The following PCSK1 variants were observed in gnomAD, a reference collection of about 807,000 sequenced individuals.
PCSK1 encodes proprotein convertase subtilisin/kexin type 1.
Under a neutral mutation model 90.6 loss-of-function variants are expected in PCSK1, and 56 were observed. The ratio of observed to expected loss-of-function variants is 0.62; its 90% CI spans 0.50 to 0.77. PCSK1 has a LOEUF of 0.77. Among genes scored for constraint, PCSK1 ranks in the 30% least tolerant of loss-of-function variants. PCSK1 has a pLI of 0.00. For synonymous variants in PCSK1, 348 were observed against 342.4 expected (o/e 1.02, Z -0.18); for missense variants, 801 against 932.6 (o/e 0.86, Z 1.84).
rs1358234906 is a variant in PCSK1, at chr5:96,391,893, T to G, written c.*1108A>C. 6.6e-6 allele frequency: 1 copy of G among 152,218 alleles called. No individual in the cohort carries two copies. Among genetic ancestry groups the G allele is most frequent in the Admixed American group, 6.5e-5 (1 of 15,284 alleles). 9.4% of individuals were successfully genotyped at this position (152,218 alleles called of 1,614,324 possible). ...GGTCCATGGCCTGCCAGTTTCTGCT[T>G]CTGATTTGAAGCTTAGGAGCAATTT... On this transcript the variant is annotated 3_prime_UTR_variant, in exon 14 of 14. Transcript: ENST00000311106.
chr5:96,400,789 TAGA>T (rs1760330870), intron 9 of PCSK1, among the ~76,000 whole-genome samples: 1 of 152,188 alleles, frequency 6.6e-6, no homozygotes, highest in Admixed American at 6.5e-5. Context: ...TCTTGTCTTT[TAGA>T]AGTTTACAAT....
At chr5:96,425,375 C>T (rs886982921) in intron 3 of PCSK1, among the ~76,000 whole-genome samples, 23 of 152,156 alleles carry the variant, frequency 1.5e-4, no homozygotes, top group Non-Finnish European at 1.5e-4. Flanking sequence ...TTCTTTTAAC[C>T]TCTTTCAGAG....
At chr5:96,421,534 CTAAGAG>C (rs1400766953) in intron 5 of PCSK1, among the ~76,000 whole-genome samples, 1 of 152,100 alleles carries the variant, frequency 6.6e-6, no homozygotes, top group Non-Finnish European at 1.5e-5. Flanking sequence ...AAGCATGTTG[CTAAGAG>C]TAAAAGATTC....
intron 6 of PCSK1, among the ~76,000 whole-genome samples, chr5:96,413,767 C>T (rs1213244856): frequency 7.0e-6 from 1 of 142,886 alleles, no homozygotes; most frequent in African/African-American, 2.6e-5. Flanking sequence ...AACCACTGCA[C>T]TCCAGCCTGG....
intron 3 of PCSK1, among the ~76,000 whole-genome samples, chr5:96,425,048 G>A (rs148508600): frequency 0.011 from 1,338 of 123,946 alleles, 21 homozygotes; most frequent in East Asian, 0.062. Flanking sequence ...AAGAAAGAAA[G>A]AAAGAAAGAA....
At chr5:96,417,765 C>T (rs1175988443) in intron 5 of PCSK1, among the ~76,000 whole-genome samples, 1 of 152,190 alleles carries the variant, frequency 6.6e-6, no homozygotes, top group Non-Finnish European at 1.5e-5. Context: ...GCAACTGAAG[C>T]TGTCCTGACC....
At chr5:96,393,413 G>T (rs752229289) in intron 13 of PCSK1, 35 bp from the exon 14 acceptor site, 188 of 1,612,178 alleles carry the variant, frequency 1.2e-4, no homozygotes, top group Non-Finnish European at 1.6e-4. Flanking sequence ...AAGGGAAGAA[G>T]GTTCATTATT....
In PCSK1 at chr5:96,433,136, G is replaced by A; in HGVS notation, c.-94C>T. ...AGACAGACTCCCCCTTCCCACCCTC[G>A]GGCTCTAGACCACTCCTGGCTCCTG... On this transcript the variant is annotated 5_prime_UTR_variant, in exon 1 of 14. Transcript: ENST00000311106. 8.2e-7 allele frequency: 1 copy of A among 1,213,942 alleles called. No individual in the cohort carries two copies. The highest frequency in any genetic ancestry group is 1.2e-6 in the Non-Finnish European group (1 of 822,136). The allele number at this position is 1,213,942 out of a possible 1,614,324, so 75.2% of individuals were successfully genotyped here.
At chr5:96,426,096 C>T (rs1761298414) in intron 2 of PCSK1, among the ~76,000 whole-genome samples, 166 bp from the exon 3 acceptor site, 2 of 152,178 alleles carry the variant, frequency 1.3e-5, no homozygotes, top group African/African-American at 4.8e-5. Flanking sequence ...GGATTGCCCA[C>T]TGGGGAGATG....
chr5:96,419,328 A>ATAT (rs1195779503), intron 5 of PCSK1, among the ~76,000 whole-genome samples: 5 of 142,316 alleles, frequency 3.5e-5, no homozygotes, highest in Admixed American at 2.1e-4. Context: ...TATATATATA[A>ATAT]AACCTCACTT....
At chr5:96,400,592 A>G (rs1321961473) in intron 9 of PCSK1, among the ~76,000 whole-genome samples, 1 of 152,190 alleles carries the variant, frequency 6.6e-6, no homozygotes, top group Non-Finnish European at 1.5e-5. Context: ...AGCATTATGA[A>G]CCCACAGACG....
intron 2 of PCSK1, 55 bp from the exon 3 acceptor site, chr5:96,425,985 C>T (rs900018072): frequency 1.1e-6 from 1 of 936,186 alleles, no homozygotes; most frequent in African/African-American, 1.6e-5. Context: ...CCTCTGTATA[C>T]TTCCTCTAAC....
chr5:96,397,268 A>G (rs1760185476), intron 12 of PCSK1, 68 bp downstream of exon 12: 2 of 1,383,522 alleles, frequency 1.4e-6, no homozygotes, highest in East Asian at 4.6e-5. Context: ...TGATGAAATC[A>G]ACCTTAAAAG....
Position 96,416,081 on chromosome 5 carries a change from T to C in PCSK1, c.661A>G (p.Asn221Asp), listed in dbSNP as rs6232. The C allele has an allele frequency of 0.045, 72,726 of 1,612,350 alleles. 1,870 individuals carry two copies. The highest frequency in any genetic ancestry group is 0.066 in the South Asian group (5,966 of 91,044). The part of the protein sequence containing the change: ...RCAGEIAMQA[N>D]NHKCGVGVAY... ...ACTCCAACCCCGCATTTGTGATTAT[T>C]TGCTTGCATGGCAATTTCTCCTGCA... The change falls in exon 6 of 14, where the codon AAT (asparagine) becomes GAT (aspartate). Residue 221 changes from asparagine (N) to aspartate (D), a missense_variant. Asn to Asp is a conservative substitution (Grantham distance 23, BLOSUM62 1). Coordinates refer to ENST00000311106, the MANE Select transcript of PCSK1 (RefSeq NM_000439.5).
intron 3 of PCSK1, among the ~76,000 whole-genome samples, chr5:96,423,884 A>G (rs116644648): frequency 0.025 from 3,745 of 152,276 alleles, 150 homozygotes; most frequent in African/African-American, 0.086. Context: ...GTGCATAGTC[A>G]TTCATGAATG....
intron 1 of PCSK1, among the ~76,000 whole-genome samples, 187 bp from the exon 2 acceptor site, chr5:96,429,504 G>A (rs1171617429): frequency 6.6e-6 from 1 of 151,928 alleles, no homozygotes; most frequent in Non-Finnish European, 1.5e-5. Context: ...TTGTTACATA[G>A]GTAAACTTGT....
At chr5:96,401,051 C>A (rs145266997) in intron 9 of PCSK1, among the ~76,000 whole-genome samples, 8,412 of 115,648 alleles carry the variant, frequency 0.073, 310 homozygotes, top group Middle Eastern at 0.16. Flanking sequence ...TGTGCCACTG[C>A]AATCCGGCCT....
chr5:96,423,860 CATT>C, intron 3 of PCSK1, among the ~76,000 whole-genome samples: 1 of 152,276 alleles, frequency 6.6e-6, no homozygotes, highest in South Asian at 2.1e-4. Flanking sequence ...ATTGAGCTCT[CATT>C]ATATTGCCTG....
chr5:96,415,303 A>G (rs1053562877), intron 6 of PCSK1, among the ~76,000 whole-genome samples: 1 of 152,160 alleles, frequency 6.6e-6, no homozygotes, highest in African/African-American at 2.4e-5. Flanking sequence ...CCCTTTGCCT[A>G]GAAGTGGCTC....
Sources: allele counts gnomAD v4.1 joint callset (sites outside exome capture counted in the v4.1 genomes callset), GRCh38; gene constraint gnomAD v4.1.1; transcripts MANE v1.5; gene names NCBI Gene and HGNC (gene_info 2026-07-23, HGNC 2026-07-21).